The following TSHZ2 variants were observed in gnomAD, a reference collection of about 807,000 sequenced individuals.
The protein encoded by TSHZ2 is teashirt homolog 2.
TSHZ2 carries 21 observed loss-of-function variants against 74.4 expected under a neutral mutation model. The observed-to-expected ratio is 0.28, with a 90% confidence interval of 0.20 to 0.41. TSHZ2 has a LOEUF of 0.41. Among genes scored for constraint, TSHZ2 ranks in the 10% least tolerant of loss-of-function variants. The pLI is 1.00. For missense variants in TSHZ2, 1,244 were observed against 1,293.5 expected, an observed-to-expected ratio of 0.96 and a Z score of 0.59; for synonymous variants, 540 against 515.3, an observed-to-expected ratio of 1.05 and a Z score of -0.65.
chr20:53,168,964 G>A (rs1048633394), intron 1 of TSHZ2: 1 of 152,060 alleles, frequency 6.6e-6, no homozygotes, highest in Non-Finnish European at 1.5e-5. Flanking sequence ...TTCTTGATTT[G>A]TAACCTGAAT....
intron 1 of TSHZ2, among the ~76,000 whole-genome samples, chr20:53,234,298 T>G (rs1053870683): frequency 6.6e-6 from 1 of 152,182 alleles, no homozygotes; most frequent in Non-Finnish European, 1.5e-5. Context: ...CTTTGGGAGT[T>G]GAAAATGTCA....
intron 1 of TSHZ2, among the ~76,000 whole-genome samples, chr20:53,094,459 G>A (rs887998235): frequency 5.9e-5 from 9 of 152,140 alleles, no homozygotes; most frequent in African/African-American, 1.7e-4. Context: ...CTACACCTGG[G>A]TGAAAGTCCA....
intron 2 of TSHZ2, among the ~76,000 whole-genome samples, chr20:53,314,340 C>G (rs754431899): frequency 6.6e-5 from 10 of 151,602 alleles, no homozygotes; most frequent in Non-Finnish European, 1.2e-4. Context: ...TTATCTATTG[C>G]TGTGTAACTA....
chr20:53,270,262 G>T (rs190280556), intron 2 of TSHZ2, among the ~76,000 whole-genome samples: 38 of 152,254 alleles, frequency 2.5e-4, no homozygotes, highest in Admixed American at 5.2e-4. Context: ...CTGCAAGTGT[G>T]TGCCCCTGGC....
At chr20:52,987,712 G>A (rs947795065) in intron 1 of TSHZ2, among the ~76,000 whole-genome samples, 3 of 152,124 alleles carry the variant, frequency 2.0e-5, no homozygotes, top group Non-Finnish European at 2.9e-5. Context: ...TGTCTACCTG[G>A]TCTCAGCATG....
intron 2 of TSHZ2, among the ~76,000 whole-genome samples, chr20:53,346,487 C>T (rs914467803): frequency 2.0e-5 from 3 of 152,114 alleles, no homozygotes; most frequent in Non-Finnish European, 4.4e-5. Flanking sequence ...GACATCTGTG[C>T]GTGGGTTTGA....
At chr20:52,978,024 A>G (rs1981410489) in intron 1 of TSHZ2, among the ~76,000 whole-genome samples, 1 of 152,020 alleles carries the variant, frequency 6.6e-6, no homozygotes, top group Admixed American at 6.6e-5. Flanking sequence ...CCCAAGAAAT[A>G]CCTCCCAAGT....
At chr20:53,245,933 T>A (rs765380111) in intron 1 of TSHZ2, among the ~76,000 whole-genome samples, 3 of 152,218 alleles carry the variant, frequency 2.0e-5, no homozygotes, top group Non-Finnish European at 2.9e-5. Flanking sequence ...GGGTCTCAGA[T>A]GTATTTAGTT....
chr20:53,460,882 G>A (rs1600658859), intron 2 of TSHZ2, among the ~76,000 whole-genome samples: 1 of 152,332 alleles, frequency 6.6e-6, no homozygotes, highest in East Asian at 1.9e-4. Context: ...CCCACTTGAG[G>A]AGGCAATCTG....
At chr20:53,231,379 T>G (rs754640445) in intron 1 of TSHZ2, among the ~76,000 whole-genome samples, 3 of 152,196 alleles carry the variant, frequency 2.0e-5, no homozygotes, top group Non-Finnish European at 2.9e-5. Flanking sequence ...TGGCAATAGA[T>G]GAATTGGAAT....
intron 1 of TSHZ2, among the ~76,000 whole-genome samples, chr20:53,150,078 A>G (rs1987639610): frequency 6.6e-6 from 1 of 152,188 alleles, no homozygotes; most frequent in Admixed American, 6.5e-5. Flanking sequence ...TTACTTATAC[A>G]CCTCACTGTA....
chr20:53,078,072 A>G lies in TSHZ2; in HGVS notation c.40+104739A>G, dbSNP rs12624504. Among the ~76,000 whole-genome samples, 251 of 152,346 alleles carry G rather than the reference A, an allele frequency of 1.6e-3. 3 individuals are homozygous for G. The East Asian group carries it at 0.044, about 26-fold the overall frequency. ...TTTGCATGACTGTTTCTGAGAGTGA[A>G]TCTATCGGAAAGGAGGGAGAATGAC... On this transcript the variant is annotated intron_variant, in intron 1 of 2. Coordinates refer to ENST00000371497, the MANE Select transcript of TSHZ2 (RefSeq NM_173485.6).
intron 1 of TSHZ2, chr20:53,185,740 G>T (rs980538861): frequency 4.1e-5 from 63 of 1,533,628 alleles, no homozygotes; most frequent in Non-Finnish European, 5.2e-5. Context: ...CTTGCTAAAT[G>T]GATGTTCAGT....
rs5841928 is a variant in TSHZ2 at position 53,089,320 on chromosome 20, C to CTTTTT, written c.40+116004_40+116008dup. Among the ~76,000 whole-genome samples the CTTTTT allele has an allele frequency of 1.0e-4, 10 of 99,994 alleles. 1 individual carries two copies. Among genetic ancestry groups the CTTTTT allele is most frequent in the East Asian group, 3.0e-4 (1 of 3,286 alleles). The allele number at this position is 99,994 out of a possible 152,430, so 65.6% of individuals were successfully genotyped here. ...GTGACAGGTACAGGAATGGGATTTT[C>CTTTTT]TTTTTTTTTTTTTTTTTTTTTATTA... On this transcript the variant is annotated intron_variant, in intron 1 of 2. Coordinates refer to ENST00000371497, the MANE Select transcript of TSHZ2 (RefSeq NM_173485.6).
intron 2 of TSHZ2, among the ~76,000 whole-genome samples, chr20:53,278,298 G>A (rs1345458617): frequency 6.6e-6 from 1 of 152,188 alleles, no homozygotes; most frequent in Non-Finnish European, 1.5e-5. Context: ...TGAAATGGTA[G>A]GTAGCCTTAC....
intron 1 of TSHZ2, among the ~76,000 whole-genome samples, chr20:53,191,434 G>A (rs539449704): frequency 6.9e-4 from 105 of 152,292 alleles, no homozygotes; most frequent in South Asian, 3.5e-3. Flanking sequence ...AGGCCGAGGC[G>A]GGTGGATCAC....
intron 1 of TSHZ2, among the ~76,000 whole-genome samples, chr20:53,239,046 A>G (rs1450873218): frequency 6.6e-6 from 1 of 152,148 alleles, no homozygotes; most frequent in Non-Finnish European, 1.5e-5. Flanking sequence ...GCTTGCCACT[A>G]GGGATAAAGC....
chr20:53,003,255 GGTGTGTGTGTGTGTGTGTGT>G (rs11468763), intron 1 of TSHZ2, among the ~76,000 whole-genome samples: 2 of 139,514 alleles, frequency 1.4e-5, no homozygotes, highest in Non-Finnish European at 3.1e-5. Flanking sequence ...CTCCAGGGAT[GGTGTGTGTGTGTGTGTGTGT>G]GTGTGTGTGT....
chr20:53,079,528 A>C (rs1344139858), intron 1 of TSHZ2, among the ~76,000 whole-genome samples: 1 of 152,218 alleles, frequency 6.6e-6, no homozygotes, highest in Non-Finnish European at 1.5e-5. Flanking sequence ...GGGAATACAG[A>C]AAGGAAAAAA....
Sources: allele counts gnomAD v4.1 joint callset (sites outside exome capture counted in the v4.1 genomes callset), GRCh38; gene constraint gnomAD v4.1.1; transcripts MANE v1.5; gene names NCBI Gene and HGNC (gene_info 2026-07-23, HGNC 2026-07-21).